MS4A13: variants seen among roughly 807,000 people sequenced by gnomAD.
MS4A13 encodes membrane spanning 4-domains A13.
In MS4A13, 21 loss-of-function variants were observed where a neutral mutation model predicts 18.4. The observed-to-expected ratio is 1.14, with a 90% CI of 0.81 to 1.64. The LOEUF (loss-of-function observed/expected upper bound fraction) is 1.64, where lower values mean the gene tolerates loss of function less well. MS4A13 is among the 40% of genes most tolerant of loss of function. The pLI, the probability that MS4A13 is intolerant of heterozygous loss-of-function variation, is 0.00. For missense variants in MS4A13, 173 were observed against 176.8 expected, an observed-to-expected ratio of 0.98 and a Z score of 0.12; for synonymous variants, 62 against 57.2, an observed-to-expected ratio of 1.08 and a Z score of -0.38.
intron 5 of MS4A13, among the ~76,000 whole-genome samples, chr11:60,527,400 CTCTCTCTCTCTG>C (rs2086724451): frequency 4.8e-5 from 4 of 84,044 alleles, no homozygotes; most frequent in Admixed American, 1.2e-4. Flanking sequence ...CTCTCTCTCT[CTCTCTCTCTCTG>C]TGTGTGTGTG....
At chr11:60,527,521 GA>G (rs2086727946) in intron 5 of MS4A13, among the ~76,000 whole-genome samples, 1 of 151,504 alleles carries the variant, frequency 6.6e-6, no homozygotes, top group Admixed American at 6.6e-5. Context: ...GGGAGTTTTA[GA>G]ATAGCACTCT....
At chr11:60,528,695 A>C (rs1199924332) in intron 5 of MS4A13, among the ~76,000 whole-genome samples, 1 of 152,192 alleles carries the variant, frequency 6.6e-6, no homozygotes, top group African/African-American at 2.4e-5. Context: ...TTCCACAGCC[A>C]GCACAAAACC....
At chr11:60,530,801 C>T (rs1183494320) in intron 6 of MS4A13, among the ~76,000 whole-genome samples, 1 of 152,136 alleles carries the variant, frequency 6.6e-6, no homozygotes, top group Non-Finnish European at 1.5e-5. Context: ...GGGCAGTTTT[C>T]CCCATGCTAT....
Position 60,533,462 on chromosome 11 carries a change from AG to A in MS4A13, c.402+4003del, listed in dbSNP as rs1447909978. ...ATGAATGAAATGAAGCGAGAAGGGAAGTTTAGAGAAAAAAGAATAAAAAGAA... is the reference window on the plus strand; with the variant it reads ...ATGAATGAAATGAAGCGAGAAGGGAATTTAGAGAAAAAAGAATAAAAAGAA... On this transcript the variant is annotated intron_variant, in intron 6 of 6. Transcript: ENST00000378186. Among the ~76,000 whole-genome samples, 3 of 102,954 alleles carry A rather than the reference AG, an allele frequency of 2.9e-5. No individual in the cohort carries two copies. The Admixed American group carries it at 3.5e-4, about 12-fold the overall frequency. 67.5% of individuals were successfully genotyped at this position (102,954 alleles called of 152,430 possible). A position where few individuals can be genotyped will look rare whatever the true frequency, so the allele number is the denominator to read the frequency against.
intron 6 of MS4A13, among the ~76,000 whole-genome samples, chr11:60,532,597 G>A (rs1292363465): frequency 1.3e-5 from 2 of 152,108 alleles, no homozygotes; most frequent in African/African-American, 4.8e-5. Context: ...GTTGGGGGAG[G>A]GGCGCCCGCC....
intron 3 of MS4A13, among the ~76,000 whole-genome samples, chr11:60,523,625 C>T (rs1051920675): frequency 1.3e-5 from 2 of 152,136 alleles, no homozygotes; most frequent in Non-Finnish European, 2.9e-5. Context: ...AACTTGGTTC[C>T]CGGTCAGGAC....
chr11:60,532,647 G>C (rs971215900), intron 6 of MS4A13, among the ~76,000 whole-genome samples: 4 of 151,654 alleles, frequency 2.6e-5, no homozygotes, highest in Non-Finnish European at 5.9e-5. Context: ...CAGCCTGGAA[G>C]CTCGAACTGG....
At chr11:60,527,634 G>A (rs901398179) in intron 5 of MS4A13, among the ~76,000 whole-genome samples, 8 of 151,888 alleles carry the variant, frequency 5.3e-5, no homozygotes, top group Non-Finnish European at 8.8e-5. Flanking sequence ...TCAGATGTTC[G>A]AGACCAGCCT....
At chr11:60,520,651 C>T (rs1241161535) in intron 3 of MS4A13, among the ~76,000 whole-genome samples, 7 of 152,250 alleles carry the variant, frequency 4.6e-5, no homozygotes, top group Admixed American at 4.6e-4. Context: ...TTGGGCTGCT[C>T]TACCCCTGTG....
chr11:60,542,436 AT>A, intron 6 of MS4A13, 82 bp from the exon 7 acceptor site: 1 of 925,084 alleles, frequency 1.1e-6, no homozygotes. Flanking sequence ...TATTACCTGT[AT>A]TTTTTAAGAA....
intron 5 of MS4A13, among the ~76,000 whole-genome samples, chr11:60,529,031 G>T (rs1323731923): frequency 6.6e-6 from 1 of 152,176 alleles, no homozygotes; most frequent in Non-Finnish European, 1.5e-5. Flanking sequence ...AGACAGGAAA[G>T]TCAAATCTTA....
At chr11:60,521,452 G>A (rs951656934) in intron 3 of MS4A13, among the ~76,000 whole-genome samples, 12 of 152,276 alleles carry the variant, frequency 7.9e-5, no homozygotes, top group Non-Finnish European at 1.6e-4. Flanking sequence ...TTGCTGCTTA[G>A]ATCATTTCTT....
At chr11:60,525,887 T>C (rs1168138207) in intron 5 of MS4A13, among the ~76,000 whole-genome samples, 6 of 125,064 alleles carry the variant, frequency 4.8e-5, no homozygotes, top group Non-Finnish European at 1.0e-4. Flanking sequence ...ATTTTAATTA[T>C]ATTGGCTTTA....
intron 4 of MS4A13, among the ~76,000 whole-genome samples, chr11:60,524,804 T>G (rs559639083): frequency 6.6e-6 from 1 of 151,934 alleles, no homozygotes; most frequent in East Asian, 1.9e-4. Flanking sequence ...GGCCTACAGG[T>G]GCCCGCCACC....
intron 3 of MS4A13, 53 bp from the exon 4 acceptor site, chr11:60,523,844 C>A: frequency 9.9e-7 from 1 of 1,014,482 alleles, no homozygotes; most frequent in South Asian, 1.4e-5. Context: ...AAAGTACATT[C>A]TAAATTGGCA....
intron 3 of MS4A13, among the ~76,000 whole-genome samples, chr11:60,520,197 T>C (rs1565210238): frequency 1.3e-5 from 2 of 152,094 alleles, no homozygotes; most frequent in Non-Finnish European, 1.5e-5. Flanking sequence ...CCCATGCTGT[T>C]CTCATGATAG....
At chr11:60,524,464 T>TA (rs1202689902) in intron 4 of MS4A13, among the ~76,000 whole-genome samples, 1 of 151,978 alleles carries the variant, frequency 6.6e-6, no homozygotes, top group Non-Finnish European at 1.5e-5. Flanking sequence ...ATTTTACAGA[T>TA]AAAAAAATGA....
chr11:60,530,538 C>A (rs2086757873), intron 6 of MS4A13, among the ~76,000 whole-genome samples: 1 of 152,126 alleles, frequency 6.6e-6, no homozygotes, highest in Non-Finnish European at 1.5e-5. Context: ...TAAAACTGAA[C>A]AAAATTGTCA....
chr11:60,525,350 C>A (rs1379800521), intron 5 of MS4A13, 24 bp downstream of exon 5: 1 of 1,472,008 alleles, frequency 6.8e-7, no homozygotes, highest in Non-Finnish European at 9.1e-7. Context: ...TCTATGGGAA[C>A]ATATTAATTT....
Sources: allele counts gnomAD v4.1 joint callset (sites outside exome capture counted in the v4.1 genomes callset), GRCh38; gene constraint gnomAD v4.1.1; transcripts MANE v1.5; gene names NCBI Gene and HGNC (gene_info 2026-07-23, HGNC 2026-07-21).